The following RAB33A variants were observed in gnomAD, a reference collection of about 807,000 sequenced individuals.
The protein encoded by RAB33A is ras-related protein Rab-33A.
A neutral mutation model predicts 12.0 loss-of-function variants in RAB33A; 6 were observed. That is an observed-to-expected ratio of 0.50 (90% CI 0.27 to 0.99). The LOEUF (loss-of-function observed/expected upper bound fraction) is 0.99. Among genes scored for constraint, RAB33A ranks in the 50% least tolerant of loss-of-function variants. The pLI is 0.11. For synonymous variants in RAB33A, 70 were observed against 82.4 expected (o/e 0.85, Z 0.81); for missense variants, 109 against 192.0 (o/e 0.57, Z 2.55).
At chrX:130,156,018 A>G in the RAB33A span, among the ~76,000 whole-genome samples, 3 of 111,977 alleles carry the variant, frequency 2.7e-5, no homozygotes, top group African/African-American at 9.7e-5. Flanking sequence ...AACACTTAAT[A>G]TTTTTGATTG....
chrX:130,143,439 C>A, the RAB33A span, among the ~76,000 whole-genome samples: 1 of 111,646 alleles, frequency 9.0e-6, no homozygotes, highest in Admixed American at 9.6e-5. Flanking sequence ...ATTAGAAAAT[C>A]ATCTTTGCCT....
At chrX:130,171,497 C>A (rs1196960612), upstream of RAB33A, among the ~76,000 whole-genome samples, 1 of 112,451 alleles carries the variant, frequency 8.9e-6, no homozygotes, top group Non-Finnish European at 1.9e-5. Flanking sequence ...CCCAGCTGTG[C>A]TCCCTGCCCG....
At chrX:130,124,450 AG>A in the RAB33A span, among the ~76,000 whole-genome samples, 1 of 112,239 alleles carries the variant, frequency 8.9e-6, no homozygotes, top group Admixed American at 9.4e-5. Flanking sequence ...CTGGGAAGCC[AG>A]GTACCTCTGT....
At chrX:130,152,214 G>T in the RAB33A span, among the ~76,000 whole-genome samples, 1 of 111,976 alleles carries the variant, frequency 8.9e-6, no homozygotes, top group Non-Finnish European at 1.9e-5. Flanking sequence ...CAGGGGCCAT[G>T]TTCATTGAGA....
chrX:130,113,144 G>T, the RAB33A span, among the ~76,000 whole-genome samples: 285 of 85,991 alleles, frequency 3.3e-3, no homozygotes, highest in African/African-American at 0.012. Flanking sequence ...GCAGTGGCGC[G>T]ATCTCGGCTC....
chrX:130,128,986 G>A, the RAB33A span, among the ~76,000 whole-genome samples: 1 of 112,428 alleles, frequency 8.9e-6, no homozygotes, highest in Non-Finnish European at 1.9e-5. Flanking sequence ...AGCAGACCCT[G>A]TGCTAAGCTC....
At chrX:130,158,099 C>G in the RAB33A span, among the ~76,000 whole-genome samples, 1 of 108,513 alleles carries the variant, frequency 9.2e-6, no homozygotes, top group African/African-American at 3.4e-5. Context: ...CCTGTTTCTA[C>G]TAAAAATACA....
the RAB33A span, chrX:130,133,390 G>A: frequency 5.8e-6 from 7 of 1,208,083 alleles, no homozygotes; most frequent in East Asian, 3.0e-5. Flanking sequence ...TCACAACAGC[G>A]TGATCATGGT....
chrX:130,127,345 T>C, the RAB33A span, among the ~76,000 whole-genome samples: 16 of 111,393 alleles, frequency 1.4e-4, no homozygotes, highest in Admixed American at 9.6e-5. Context: ...TCCACATGTC[T>C]GCATTCCTCA....
chrX:130,112,881 TTAAA>T, the RAB33A span, among the ~76,000 whole-genome samples: 100 of 109,306 alleles, frequency 9.1e-4, no homozygotes, highest in African/African-American at 3.0e-3. Flanking sequence ...AATAAATAAA[TTAAA>T]TAAATTAATT....
the RAB33A span, among the ~76,000 whole-genome samples, chrX:130,132,745 T>A: frequency 1.0e-5 from 1 of 95,609 alleles, no homozygotes; most frequent in African/African-American, 4.1e-5. Context: ...GACACTCCTT[T>A]TTTTTTTTTT....
chrX:130,116,099 CTTTTTTTTTTTT>C, the RAB33A span, among the ~76,000 whole-genome samples: 95 of 63,055 alleles, frequency 1.5e-3, no homozygotes, highest in African/African-American at 7.2e-3. Context: ...ACCCCAGGTC[CTTTTTTTTTTTT>C]TTTTTTTTTT....
At chrX:130,165,119 G>T in the RAB33A span, among the ~76,000 whole-genome samples, 1 of 110,128 alleles carries the variant, frequency 9.1e-6, no homozygotes, top group Non-Finnish European at 1.9e-5. Flanking sequence ...CTCATCTGTG[G>T]TTTGGAAGGC....
chrX:130,116,576 G>A, the RAB33A span, among the ~76,000 whole-genome samples: 1 of 112,319 alleles, frequency 8.9e-6, no homozygotes, highest in African/African-American at 3.2e-5. Flanking sequence ...ACAGGCGTAA[G>A]CCATCGCGCC....
intron 1 of RAB33A, among the ~76,000 whole-genome samples, chrX:130,179,898 G>A (rs926826219): frequency 2.8e-5 from 3 of 106,718 alleles, no homozygotes; most frequent in Non-Finnish European, 3.8e-5. Flanking sequence ...GAGCACTGAC[G>A]AGACAATTAG....
chrX:130,167,132 G>A (rs1426225100), upstream of RAB33A, among the ~76,000 whole-genome samples: 3 of 112,033 alleles, frequency 2.7e-5, no homozygotes, highest in African/African-American at 6.5e-5. Context: ...AACAGTAGAG[G>A]AAAAGGATTG....
chrX:130,139,956 C>G, the RAB33A span: 1 of 812,472 alleles, frequency 1.2e-6, no homozygotes, highest in Non-Finnish European at 1.9e-6. Context: ...AAAGGTGGAG[C>G]CCTCTTCACT....
chrX:130,128,581 A>T, the RAB33A span, among the ~76,000 whole-genome samples: 1 of 112,259 alleles, frequency 8.9e-6, no homozygotes, highest in South Asian at 3.7e-4. Context: ...TCAAAATAAT[A>T]ATAATAAGAT....
chrX:130,130,163 G>A, the RAB33A span: 1 of 1,211,800 alleles, frequency 8.3e-7, no homozygotes, highest in Non-Finnish European at 1.1e-6. Context: ...TCGGATACCA[G>A]TTCCTGTGGC....
Sources: gnomAD v4.1 joint callset for allele counts (sites outside exome capture counted in the v4.1 genomes callset) on GRCh38, gnomAD v4.1.1 for gene constraint, MANE v1.5 for transcripts, NCBI Gene and HGNC (gene_info 2026-07-23, HGNC 2026-07-21) for gene names.